The following LRRC4C variants were observed in gnomAD, a reference collection of about 807,000 sequenced individuals.
LRRC4C encodes the protein leucine-rich repeat-containing protein 4C.
LRRC4C carries 5 observed loss-of-function variants against 33.6 expected under a neutral mutation model. The observed-to-expected ratio is 0.15, with a 90% confidence interval of 0.08 to 0.31. The LOEUF (loss-of-function observed/expected upper bound fraction) is 0.31. Ranked by LOEUF, LRRC4C falls within the 10% of genes least tolerant of loss-of-function variation. LRRC4C has a pLI of 1.00. For synonymous variants in LRRC4C, 329 were observed against 302.0 expected (o/e 1.09, Z -0.93); for missense variants, 560 against 796.7 (o/e 0.70, Z 3.58).
At chr11:41,054,861 A>T (rs1209765147) in intron 1 of LRRC4C, among the ~76,000 whole-genome samples, 2 of 152,234 alleles carry the variant, frequency 1.3e-5, no homozygotes, top group Admixed American at 6.5e-5. Context: ...CTGAACTATC[A>T]TGAGAGCATG....
At chr11:40,789,457 T>A (rs1405605548) in intron 2 of LRRC4C, among the ~76,000 whole-genome samples, 4 of 152,124 alleles carry the variant, frequency 2.6e-5, no homozygotes, top group African/African-American at 9.7e-5. Flanking sequence ...ATTAAAAAAA[T>A]TATAACTTAA....
chr11:40,822,047 T>TGC (rs1394139943), intron 2 of LRRC4C, among the ~76,000 whole-genome samples: 1 of 151,758 alleles, frequency 6.6e-6, no homozygotes, highest in Non-Finnish European at 1.5e-5. Context: ...TATTTTGGCA[T>TGC]GCGCAATAAA....
intron 6 of LRRC4C, among the ~76,000 whole-genome samples, chr11:40,131,628 A>C (rs1167827976): frequency 3.3e-5 from 5 of 152,188 alleles, no homozygotes; most frequent in Non-Finnish European, 5.9e-5. Flanking sequence ...CCCTTCCGTG[A>C]AACTGCCTGG....
intron 2 of LRRC4C, among the ~76,000 whole-genome samples, chr11:40,725,175 T>G (rs975811974): frequency 2.6e-5 from 4 of 152,168 alleles, no homozygotes; most frequent in African/African-American, 9.6e-5. Flanking sequence ...AACCTGATCA[T>G]CTTCCACATT....
At chr11:40,398,852 A>G (rs2137524719) in intron 3 of LRRC4C, among the ~76,000 whole-genome samples, 1 of 152,224 alleles carries the variant, frequency 6.6e-6, no homozygotes, top group South Asian at 2.1e-4. Flanking sequence ...AATAAGCAAC[A>G]ACACTGTCAT....
chr11:40,968,862 G>A (rs911995331), intron 1 of LRRC4C, among the ~76,000 whole-genome samples: 23 of 152,084 alleles, frequency 1.5e-4, no homozygotes, highest in Admixed American at 6.6e-5. Flanking sequence ...GTTATTTTTT[G>A]TGTCTCCTAA....
intron 1 of LRRC4C, among the ~76,000 whole-genome samples, chr11:41,010,387 T>TA (rs1855084265): frequency 6.6e-6 from 1 of 152,124 alleles, no homozygotes; most frequent in Non-Finnish European, 1.5e-5. Flanking sequence ...CTGTTTAGAT[T>TA]AAAAAAATCA....
chr11:40,924,072 ATGTGTGTGTATATATGTG>A (rs1957305573), intron 2 of LRRC4C, among the ~76,000 whole-genome samples: 1 of 150,260 alleles, frequency 6.7e-6, no homozygotes, highest in African/African-American at 2.4e-5. Context: ...ATACATATAT[ATGTGTGTGTATATATGTG>A]TGTGTGTGTA....
intron 3 of LRRC4C, among the ~76,000 whole-genome samples, chr11:40,322,053 T>C (rs889078249): frequency 6.6e-6 from 1 of 152,030 alleles, no homozygotes; most frequent in Non-Finnish European, 1.5e-5. Context: ...ATTATGTAGA[T>C]TCATTAAATG....
At chr11:40,439,760 C>T (rs1395022189) in intron 3 of LRRC4C, among the ~76,000 whole-genome samples, 1 of 152,090 alleles carries the variant, frequency 6.6e-6, no homozygotes, top group African/African-American at 2.4e-5. Context: ...CCCCTTTATT[C>T]TTTAAATGCC....
chr11:41,239,616 T>C (rs1948170092), intron 1 of LRRC4C, among the ~76,000 whole-genome samples: 1 of 152,134 alleles, frequency 6.6e-6, no homozygotes, highest in Admixed American at 6.6e-5. Flanking sequence ...GGTCACCCTA[T>C]TTAAAATTGT....
chr11:40,689,282 T>A (rs574888033), intron 2 of LRRC4C, among the ~76,000 whole-genome samples: 1 of 152,144 alleles, frequency 6.6e-6, no homozygotes, highest in African/African-American at 2.4e-5. Context: ...GGTAAGAATG[T>A]GGGATTTGAA....
intron 2 of LRRC4C, among the ~76,000 whole-genome samples, chr11:40,768,481 A>T (rs555610739): frequency 6.6e-6 from 1 of 152,052 alleles, no homozygotes; most frequent in African/African-American, 2.4e-5. Context: ...ACCCCACCCA[A>T]ATTCATTCTA....
intron 1 of LRRC4C, among the ~76,000 whole-genome samples, chr11:41,376,844 GATAC>G (rs1952953671): frequency 6.6e-6 from 1 of 151,570 alleles, no homozygotes. Context: ...AAAATAGATA[GATAC>G]ACACATACGT....
chr11:40,499,800 T>G (rs921977821), intron 3 of LRRC4C, among the ~76,000 whole-genome samples: 1 of 152,108 alleles, frequency 6.6e-6, no homozygotes, highest in Non-Finnish European at 1.5e-5. Flanking sequence ...CAAGAGAACC[T>G]CAACAAACAA....
At chr11:40,945,736 T>G (rs1230468378) in intron 1 of LRRC4C, among the ~76,000 whole-genome samples, 1 of 152,148 alleles carries the variant, frequency 6.6e-6, no homozygotes, top group Admixed American at 6.5e-5. Context: ...GAAAGGAGTT[T>G]GTTGCTCCTG....
At chr11:40,326,815 T>C (rs1946126665) in intron 3 of LRRC4C, among the ~76,000 whole-genome samples, 1 of 152,158 alleles carries the variant, frequency 6.6e-6, no homozygotes, top group African/African-American at 2.4e-5. Flanking sequence ...AGAGAGCAAT[T>C]GATCTGAGTT....
intron 1 of LRRC4C, among the ~76,000 whole-genome samples, chr11:41,195,765 T>A (rs949005415): frequency 1.3e-5 from 2 of 152,094 alleles, no homozygotes; most frequent in African/African-American, 4.8e-5. Context: ...AGGAGCAAGT[T>A]TTTTTTAATC....
intron 1 of LRRC4C, among the ~76,000 whole-genome samples, chr11:41,037,050 A>G (rs903603689): frequency 6.6e-6 from 1 of 152,182 alleles, no homozygotes; most frequent in African/African-American, 2.4e-5. Context: ...TTTGTGCTCA[A>G]AATACCCAGT....
Sources: allele counts gnomAD v4.1 joint callset (sites outside exome capture counted in the v4.1 genomes callset), GRCh38; gene constraint gnomAD v4.1.1; transcripts MANE v1.5; gene names NCBI Gene and HGNC (gene_info 2026-07-23, HGNC 2026-07-21).